PICALM: variants seen among roughly 807,000 people sequenced by gnomAD.
PICALM encodes the protein phosphatidylinositol-binding clathrin assembly protein.
Under a neutral mutation model 80.5 loss-of-function variants are expected in PICALM, and 40 were observed. That is an observed-to-expected ratio of 0.50 (90% CI 0.39 to 0.65). PICALM has a LOEUF of 0.65. Ranked by LOEUF, PICALM falls within the 30% of genes least tolerant of loss-of-function variation. The probability of loss-of-function intolerance (pLI) is 0.00; values close to 1 mark genes in which losing one functional copy is unlikely to be tolerated. For synonymous variants in PICALM, 288 were observed against 260.3 expected (o/e 1.11, Z -1.02); for missense variants, 676 against 778.9 (o/e 0.87, Z 1.57).
Position 85,982,576 on chromosome 11 carries a change from C to T in PICALM, c.1517-573G>A, listed in dbSNP as rs374594512. On this transcript the variant is annotated intron_variant, in intron 14 of 19. Transcript: ENST00000393346. ...CCGAGTAGCTGGGACTACAGGCGCC[C>T]GCCACCGCGCCCAGCTAATTTTTTG... is the stretch of plus-strand genomic sequence containing the variant. 1.4e-4 allele frequency among the ~76,000 whole-genome samples: 20 copies of T among 146,276 alleles called. No homozygotes were observed. In the East Asian group the frequency reaches 1.6e-3, roughly 12 times the overall value.
At chr11:86,068,337 G>C (rs2096476407) in intron 1 of PICALM, among the ~76,000 whole-genome samples, 1 of 152,302 alleles carries the variant, frequency 6.6e-6, no homozygotes, top group Non-Finnish European at 1.5e-5. Flanking sequence ...GACGGGTAGG[G>C]GGTGAGAAGC....
At position 86,003,424 on chromosome 11, in the gene PICALM, C is replaced by G; in HGVS notation, c.835G>C (p.Glu279Gln). 1 of 1,599,420 alleles carries G rather than the reference C, an allele frequency of 6.3e-7. No homozygotes were observed. Among genetic ancestry groups the G allele is most frequent in the Non-Finnish European group, 8.6e-7 (1 of 1,169,330 alleles). Residue 279 changes from glutamate to glutamine, a missense_variant, in exon 9 of 20, where the codon GAA becomes CAA. Physicochemically the swap from Glu to Gln is conservative, Grantham distance 29. Coordinates refer to ENST00000393346, the MANE Select transcript of PICALM (RefSeq NM_007166.4). ...CCTTCCAAGGAAGCTAAATGTTGTT[C>G]CAAAGCATCAAGAAGACTGCTAGGG... ...QAPSSLLDAL[E>Q]QHLASLEGKK... is the part of the protein sequence containing the mutation.
At chr11:86,038,586 G>T (rs2095885399) in intron 1 of PICALM, among the ~76,000 whole-genome samples, 1 of 152,006 alleles carries the variant, frequency 6.6e-6, no homozygotes, top group African/African-American at 2.4e-5. Context: ...TTCAAGACCA[G>T]CCTGGCCAAG....
At chr11:86,038,712 G>A (rs1035578581) in intron 1 of PICALM, among the ~76,000 whole-genome samples, 12 of 49,506 alleles carry the variant, frequency 2.4e-4, no homozygotes, top group Admixed American at 7.0e-4. Flanking sequence ...CCCAGGAGGC[G>A]GAGGTTGCGA....
At chr11:86,009,234 A>C (rs2095343632) in intron 7 of PICALM, among the ~76,000 whole-genome samples, 1 of 130,030 alleles carries the variant, frequency 7.7e-6, no homozygotes, top group African/African-American at 2.9e-5. Context: ...CAGAGGTTGC[A>C]GCGAGACGAG....
intron 1 of PICALM, among the ~76,000 whole-genome samples, chr11:86,036,877 T>C (rs965260114): frequency 2.0e-5 from 3 of 149,002 alleles, no homozygotes; most frequent in African/African-American, 7.5e-5. Flanking sequence ...CGAGGTAGGA[T>C]GACTGCTTGA....
intron 6 of PICALM, among the ~76,000 whole-genome samples, 173 bp downstream of exon 6, chr11:86,012,108 T>A (rs1056754765): frequency 1.3e-5 from 2 of 152,198 alleles, no homozygotes; most frequent in Non-Finnish European, 2.9e-5. Flanking sequence ...TATAAAAATA[T>A]GTAATCACTT....
chr11:85,961,828 G>A (rs756965901), intron 19 of PICALM, among the ~76,000 whole-genome samples: 1 of 151,546 alleles, frequency 6.6e-6, no homozygotes, highest in Non-Finnish European at 1.5e-5. Context: ...TTCTTTGCTG[G>A]TGCCAAGTGA....
chr11:86,041,027 T>C (rs2095954773), intron 1 of PICALM, among the ~76,000 whole-genome samples: 1 of 152,026 alleles, frequency 6.6e-6, no homozygotes, highest in Non-Finnish European at 1.5e-5. Flanking sequence ...GAAAGCAAAT[T>C]TTCCCTGGTT....
chr11:86,003,489 A>T, intron 8 of PICALM, 38 bp from the exon 9 acceptor site: 1 of 1,300,662 alleles, frequency 7.7e-7, no homozygotes, highest in Non-Finnish European at 1.1e-6. Context: ...CATGATAATT[A>T]GGCCACTGGT....
chr11:86,030,704 C>G (rs2095736430), intron 2 of PICALM, among the ~76,000 whole-genome samples: 1 of 152,212 alleles, frequency 6.6e-6, no homozygotes, highest in Non-Finnish European at 1.5e-5. Context: ...TCAGACACAC[C>G]TCTCTGCTGA....
intron 1 of PICALM, among the ~76,000 whole-genome samples, chr11:86,057,740 C>G (rs2096291848): frequency 6.6e-6 from 1 of 152,100 alleles, no homozygotes; most frequent in Non-Finnish European, 1.5e-5. Context: ...CTAAACAATA[C>G]AGTATAACAA....
intron 1 of PICALM, 143 bp from the exon 2 acceptor site, chr11:86,031,754 T>A: frequency 1.6e-6 from 1 of 611,220 alleles, no homozygotes; most frequent in Admixed American, 3.2e-5. Flanking sequence ...ATCTCTCAAT[T>A]AGAGCAATTG....
At chr11:86,038,213 G>A (rs1441780652) in intron 1 of PICALM, among the ~76,000 whole-genome samples, 1 of 152,064 alleles carries the variant, frequency 6.6e-6, no homozygotes, top group Non-Finnish European at 1.5e-5. Flanking sequence ...CCAGCTACTT[G>A]GGAGGCTGAC....
chr11:86,068,599 G>T, intron 1 of PICALM, 52 bp downstream of exon 1: 6 of 1,557,974 alleles, frequency 3.9e-6, no homozygotes, highest in Non-Finnish European at 5.2e-6. Context: ...AGAAGGACGC[G>T]CGCGGGTCGC....
intron 1 of PICALM, among the ~76,000 whole-genome samples, chr11:86,046,146 T>C (rs2096068280): frequency 6.6e-6 from 1 of 152,226 alleles, no homozygotes; most frequent in Non-Finnish European, 1.5e-5. Flanking sequence ...ATTTTCAATA[T>C]CTGCTTCAAA....
At chr11:86,009,203 G>C (rs536738235) in intron 7 of PICALM, among the ~76,000 whole-genome samples, 295 of 140,140 alleles carry the variant, frequency 2.1e-3, no homozygotes, top group Non-Finnish European at 3.9e-3. Context: ...TGAGGCAGGA[G>C]AATCGCTTGA....
intron 13 of PICALM, among the ~76,000 whole-genome samples, chr11:85,984,946 T>A (rs929747542): frequency 6.6e-6 from 1 of 152,120 alleles, no homozygotes; most frequent in Non-Finnish European, 1.5e-5. Flanking sequence ...AATATCAACC[T>A]CACAAGGATC....
intron 1 of PICALM, among the ~76,000 whole-genome samples, chr11:86,045,183 A>G (rs2096049925): frequency 6.6e-6 from 1 of 152,292 alleles, no homozygotes; most frequent in South Asian, 2.1e-4. Flanking sequence ...ATAAATCACT[A>G]CAAAATAAAG....
Sources: gnomAD v4.1 joint callset for allele counts (sites outside exome capture counted in the v4.1 genomes callset) on GRCh38, gnomAD v4.1.1 for gene constraint, MANE v1.5 for transcripts, NCBI Gene and HGNC (gene_info 2026-07-23, HGNC 2026-07-21) for gene names.